Variants in PRDM16 observed in about 807,000 individuals in gnomAD.
The protein encoded by PRDM16 is histone-lysine N-methyltransferase PRDM16.
In PRDM16, 23 loss-of-function variants were observed where a neutral mutation model predicts 110.6. That is an observed-to-expected ratio of 0.21 (90% CI 0.15 to 0.29). The LOEUF (loss-of-function observed/expected upper bound fraction) is 0.29, where lower values mean the gene tolerates loss of function less well. PRDM16 is among the 10% of genes least tolerant of loss of function. The probability of loss-of-function intolerance (pLI) is 1.00; values close to 1 mark genes in which losing one functional copy is unlikely to be tolerated. For synonymous variants in PRDM16, 799 were observed against 781.8 expected (o/e 1.02, Z -0.37); for missense variants, 1,615 against 1,794.3 (o/e 0.90, Z 1.81).
intron 3 of PRDM16, among the ~76,000 whole-genome samples, chr1:3,328,652 G>A (rs766167251): frequency 6.6e-5 from 10 of 152,230 alleles, no homozygotes; most frequent in Non-Finnish European, 1.3e-4. Flanking sequence ...AGATGCTTTC[G>A]GGCCAGGAGT....
intron 3 of PRDM16, among the ~76,000 whole-genome samples, chr1:3,321,767 ATG>A (rs1052650567): frequency 2.8e-5 from 4 of 145,410 alleles, no homozygotes; most frequent in East Asian, 2.2e-4. Flanking sequence ...GTGTTTGTGT[ATG>A]TGTGCACGTG....
chr1:3,134,018 A>C (rs985498318), intron 1 of PRDM16, among the ~76,000 whole-genome samples: 17 of 152,190 alleles, frequency 1.1e-4, no homozygotes, highest in African/African-American at 4.8e-5. Context: ...GCACTGGGGA[A>C]AAAAGGTCAG....
intron 1 of PRDM16, among the ~76,000 whole-genome samples, chr1:3,091,561 T>C (rs1188683184): frequency 2.0e-5 from 3 of 152,154 alleles, no homozygotes; most frequent in Non-Finnish European, 2.9e-5. Flanking sequence ...CACCCCTCAT[T>C]CCCTTGGGAG....
intron 2 of PRDM16, among the ~76,000 whole-genome samples, chr1:3,216,204 A>G (rs147598581): frequency 1.3e-3 from 196 of 152,230 alleles, no homozygotes; most frequent in African/African-American, 4.6e-3. Context: ...ATATCCCAGC[A>G]AGGAGCTGGG....
Position 3,320,314 on chromosome 1 carries a change from A to ATG in PRDM16, c.439-64825_439-64824dup, listed in dbSNP as rs377472497. Among the ~76,000 whole-genome samples, 18 of 152,026 alleles carry ATG rather than the reference A, an allele frequency of 1.2e-4. 2 individuals carry two copies. The highest frequency in any genetic ancestry group is 5.8e-4 in the East Asian group (3 of 5,170). ...TTTTCATGGTCCAACTCAAGAGTAGATGTGTGTGTGTGTGCGTGTGTGTGT... is the reference window on the plus strand; with the variant it reads ...TTTTCATGGTCCAACTCAAGAGTAGATGTGTGTGTGTGTGTGCGTGTGTGTGT... On this transcript the variant is annotated intron_variant, in intron 3 of 16. Coordinates refer to ENST00000270722, the MANE Select transcript of PRDM16 (RefSeq NM_022114.4).
At chr1:3,084,954 G>A (rs1642116624) in intron 1 of PRDM16, among the ~76,000 whole-genome samples, 2 of 152,204 alleles carry the variant, frequency 1.3e-5, no homozygotes, top group Non-Finnish European at 1.5e-5. Flanking sequence ...CGCACCCTGC[G>A]GCAGGTGTTG....
chr1:3,140,272 A>G (rs1031575569), intron 1 of PRDM16, among the ~76,000 whole-genome samples: 1 of 152,178 alleles, frequency 6.6e-6, no homozygotes, highest in African/African-American at 2.4e-5. Flanking sequence ...CCTTAAATCA[A>G]GGGTGGCCTC....
rs149557948 is a variant in PRDM16, at chr1:3,181,514, A to G, written c.38-4611A>G. ...GCCTTACGCATGGTCTTACACACGC[A>G]GTCTTACACAAGCGGTCTTACACAC... On this transcript the variant is annotated intron_variant, in intron 1 of 16. Transcript: ENST00000270722. Among the ~76,000 whole-genome samples the G allele has an allele frequency of 2.0e-3, 110 of 55,162 alleles. 30 individuals are homozygous for G. The highest frequency in any genetic ancestry group is 3.7e-3 in the Non-Finnish European group (78 of 21,282). The allele number at this position is 55,162 out of a possible 152,430, so 36.2% of individuals were successfully genotyped here. A position where few individuals can be genotyped will look rare whatever the true frequency, so the allele number is the denominator to read the frequency against.
At chr1:3,109,406 C>T (rs1025724246) in intron 1 of PRDM16, among the ~76,000 whole-genome samples, 5 of 152,118 alleles carry the variant, frequency 3.3e-5, no homozygotes, top group African/African-American at 9.7e-5. Context: ...CCGTGGAGCC[C>T]GCAGGATGCA....
chr1:3,289,222 G>T (rs1640920232), intron 3 of PRDM16, among the ~76,000 whole-genome samples: 1 of 152,200 alleles, frequency 6.6e-6, no homozygotes, highest in South Asian at 2.1e-4. Context: ...GGTCACAGGT[G>T]GGGAGGACCA....
intron 2 of PRDM16, among the ~76,000 whole-genome samples, chr1:3,239,391 C>CTG (rs1639610501): frequency 6.6e-6 from 1 of 152,108 alleles, no homozygotes; most frequent in Admixed American, 6.5e-5. Flanking sequence ...CAGCAGAACC[C>CTG]TGAGCCCCTC....
chr1:3,197,735 G>T (rs1638515341), intron 2 of PRDM16, among the ~76,000 whole-genome samples: 1 of 152,218 alleles, frequency 6.6e-6, no homozygotes, highest in Non-Finnish European at 1.5e-5. Context: ...TGGCCTGGCG[G>T]CTCCCTGGAG....
chr1:3,302,020 G>A (rs1221002238), intron 3 of PRDM16, among the ~76,000 whole-genome samples: 1 of 152,150 alleles, frequency 6.6e-6, no homozygotes, highest in Non-Finnish European at 1.5e-5. Flanking sequence ...TAAGTAGACG[G>A]TTCATTCTCA....
chr1:3,174,600 C>T (rs1225564015), intron 1 of PRDM16, among the ~76,000 whole-genome samples: 1 of 152,098 alleles, frequency 6.6e-6, no homozygotes, highest in Non-Finnish European at 1.5e-5. Context: ...TCCGTGTCTG[C>T]GACAAAGGCG....
At chr1:3,231,238 G>A (rs1557545146) in intron 2 of PRDM16, among the ~76,000 whole-genome samples, 1 of 152,150 alleles carries the variant, frequency 6.6e-6, no homozygotes, top group Non-Finnish European at 1.5e-5. Context: ...TAGGTTAATC[G>A]CCACAAGAGG....
intron 3 of PRDM16, among the ~76,000 whole-genome samples, chr1:3,264,489 A>G (rs1487009478): frequency 1.8e-5 from 2 of 109,316 alleles, no homozygotes; most frequent in Non-Finnish European, 3.7e-5. Context: ...GGCCAGGAGG[A>G]GAGGAAAGGG....
intron 1 of PRDM16, among the ~76,000 whole-genome samples, chr1:3,084,970 G>A (rs1437902733): frequency 2.6e-5 from 4 of 152,206 alleles, no homozygotes; most frequent in Non-Finnish European, 4.4e-5. Flanking sequence ...TGTTGCAGGC[G>A]GGCGGGTGCT....
At chr1:3,281,664 C>T (rs1471395770) in intron 3 of PRDM16, among the ~76,000 whole-genome samples, 1 of 152,146 alleles carries the variant, frequency 6.6e-6, no homozygotes, top group Non-Finnish European at 1.5e-5. Flanking sequence ...CATTGATGAG[C>T]TATGGTTGGA....
At position 3,314,071 on chromosome 1, in the gene PRDM16, C is replaced by CCG. The variant is rs1553161914; in HGVS notation, c.438+69934_438+69935insCG. Among the ~76,000 whole-genome samples the CCG allele has an allele frequency of 3.1e-4, 31 of 100,642 alleles. 1 individual carries two copies. In the East Asian group the frequency reaches 6.1e-3, roughly 20 times the overall value. 66.0% of individuals were successfully genotyped at this position (100,642 alleles called of 152,430 possible). On this transcript the variant is annotated intron_variant, in intron 3 of 16. Transcript: ENST00000270722. ...GCCCCCGAATGCCGTCCTTCCCCAC[C>CCG]GGGGGGGGGGGCGGGAACATAAAAT...
Sources: allele counts gnomAD v4.1 joint callset (sites outside exome capture counted in the v4.1 genomes callset), GRCh38; gene constraint gnomAD v4.1.1; transcripts MANE v1.5; gene names NCBI Gene and HGNC (gene_info 2026-07-23, HGNC 2026-07-21).